The following HDAC2 variants were observed in gnomAD, a reference collection of about 807,000 sequenced individuals.
HDAC2 encodes the protein histone deacetylase 2.
Under a neutral mutation model 68.5 loss-of-function variants are expected in HDAC2, and 5 were observed. That is an observed-to-expected ratio of 0.07 (90% CI 0.04 to 0.15). The LOEUF (loss-of-function observed/expected upper bound fraction) is 0.15. Among genes scored for constraint, HDAC2 ranks in the 10% least tolerant of loss-of-function variants. HDAC2 has a pLI of 1.00. For missense variants in HDAC2, 291 were observed against 600.8 expected (o/e 0.48, Z 5.39); for synonymous variants, 182 against 191.3 (o/e 0.95, Z 0.40).
At chr6:113,944,437 G>C in intron 10 of HDAC2, 27 bp from the exon 11 acceptor site, 1 of 1,596,272 alleles carries the variant, frequency 6.3e-7, no homozygotes, top group South Asian at 1.1e-5. Context: ...AAGTTTATTA[G>C]ACAAAATTAA....
rs530442181 is a variant in HDAC2, at chr6:113,934,833, T to C, written c.*6225A>G. 14 of 152,300 alleles carry C rather than the reference T, an allele frequency of 9.2e-5. No homozygotes were observed. Among genetic ancestry groups the C allele is most frequent in the Non-Finnish European group, 1.3e-4 (9 of 68,032 alleles). 9.4% of individuals were successfully genotyped at this position (152,300 alleles called of 1,614,324 possible). ...TATAACACTGAACTATACAAGTAAATGTGTTTGACAATAACAATGCTTATT... is the reference window on the plus strand; with the variant it reads ...TATAACACTGAACTATACAAGTAAACGTGTTTGACAATAACAATGCTTATT... On this transcript the variant is annotated 3_prime_UTR_variant, in exon 14 of 14. Coordinates refer to ENST00000519065, the MANE Select transcript of HDAC2 (RefSeq NM_001527.4).
intron 1 of HDAC2, chr6:113,970,557 G>T: frequency 8.1e-7 from 1 of 1,234,598 alleles, no homozygotes. Context: ...CCAAGGCGGG[G>T]TAGGCCGGCG....
chr6:113,945,810 GCCTAA>G lies in HDAC2; in HGVS notation c.982+193_982+197del, dbSNP rs201960688. 1.3e-3 allele frequency among the ~76,000 whole-genome samples: 198 copies of G among 152,264 alleles called. 5 individuals are homozygous for G. In the East Asian group the frequency reaches 0.038, roughly 29 times the overall value. ...TATTAGATTATTTTGTCCAACTGAA[GCCTAA>G]CCTAACTGTTCTGAGCACGTTTAAA... On this transcript the variant is annotated intron_variant, in intron 9 of 13. Coordinates refer to ENST00000519065, the MANE Select transcript of HDAC2 (RefSeq NM_001527.4).
intron 5 of HDAC2, among the ~76,000 whole-genome samples, chr6:113,953,903 CGT>C (rs1331879596): frequency 6.6e-6 from 1 of 152,104 alleles, no homozygotes; most frequent in African/African-American, 2.4e-5. Flanking sequence ...TATTTTCTGA[CGT>C]GTGATAATTA....
rs908132896 is a variant in HDAC2 at position 113,963,498 on chromosome 6, T to A, written c.53-3480A>T. Among the ~76,000 whole-genome samples the A allele has an allele frequency of 6.1e-4, 93 of 152,328 alleles. 1 individual carries two copies. Among genetic ancestry groups the A allele is most frequent in the Non-Finnish European group, 7.9e-4 (54 of 68,020 alleles). ...TTTGGGCATTTTAAATGTTACTGAT[T>A]TGCATCAAAATACAGATTATCCCTA... On this transcript the variant is annotated intron_variant, in intron 1 of 13. Transcript: ENST00000519065.
chr6:113,964,303 T>C (rs938486048), intron 1 of HDAC2, among the ~76,000 whole-genome samples: 2 of 152,110 alleles, frequency 1.3e-5, no homozygotes, highest in Admixed American at 6.6e-5. Flanking sequence ...ATTATTTTCA[T>C]CTTCCAGACT....
intron 1 of HDAC2, among the ~76,000 whole-genome samples, chr6:113,967,623 A>C (rs1255437834): frequency 3.9e-5 from 6 of 152,038 alleles, no homozygotes; most frequent in Non-Finnish European, 7.4e-5. Context: ...CATAAAAACA[A>C]GCACTAAATA....
intron 11 of HDAC2, among the ~76,000 whole-genome samples, 191 bp downstream of exon 11, chr6:113,944,089 T>C (rs546508746): frequency 3.3e-5 from 5 of 152,328 alleles, no homozygotes; most frequent in African/African-American, 4.8e-5. Context: ...TATCCAGCCA[T>C]ACAAACTGAA....
chr6:113,941,643 C>T, intron 13 of HDAC2, 65 bp downstream of exon 13: 1 of 610,744 alleles, frequency 1.6e-6, no homozygotes. Flanking sequence ...CACAAACACA[C>T]ACCAATAAAC....
chr6:113,943,226 T>A (rs1776181817), intron 12 of HDAC2, 125 bp downstream of exon 12: 12 of 640,832 alleles, frequency 1.9e-5, no homozygotes, highest in Non-Finnish European at 3.2e-5. Flanking sequence ...GAAAAAAGAG[T>A]CACCTACCTA....
intron 5 of HDAC2, among the ~76,000 whole-genome samples, chr6:113,955,342 T>C (rs1176990362): frequency 2.6e-5 from 4 of 151,778 alleles, no homozygotes; most frequent in Non-Finnish European, 5.9e-5. Flanking sequence ...GCCTCCTGAG[T>C]AGCTGGGATT....
Position 113,933,117 on chromosome 6 carries a change from T to C in HDAC2, c.*7941A>G, listed in dbSNP as rs1775929950. 1 of 152,234 alleles carries C rather than the reference T, an allele frequency of 6.6e-6. No homozygotes were observed. The highest frequency in any genetic ancestry group is 1.5e-5 in the Non-Finnish European group (1 of 68,046). The allele number at this position is 152,234 out of a possible 1,614,324, so 9.4% of individuals were successfully genotyped here. A position where few individuals can be genotyped will look rare whatever the true frequency, so the allele number is the denominator to read the frequency against. ...TATCCTTGGGGGAAATTATACGTAA[T>C]TGCTAAAATGTTGACATCAAAACTT... On this transcript the variant is annotated 3_prime_UTR_variant, in exon 14 of 14. Transcript: ENST00000519065.
intron 5 of HDAC2, among the ~76,000 whole-genome samples, chr6:113,955,024 A>T (rs1776515612): frequency 6.6e-6 from 1 of 152,232 alleles, no homozygotes; most frequent in South Asian, 2.1e-4. Context: ...GACTAACTCA[A>T]TAGGTAAAAA....
At chr6:113,970,398 G>A (rs948289113) in intron 1 of HDAC2, 8 of 961,328 alleles carry the variant, frequency 8.3e-6, no homozygotes, top group East Asian at 1.1e-4. Context: ...GGGGCTTTGT[G>A]TAGAGTCAAG....
Position 113,967,648 on chromosome 6 carries a change from A to T in HDAC2, c.52+3209T>A, listed in dbSNP as rs545800560. Among the ~76,000 whole-genome samples, 210 of 152,344 alleles carry T rather than the reference A, an allele frequency of 1.4e-3. 1 individual carries two copies. Among genetic ancestry groups the T allele is most frequent in the African/African-American group, 4.9e-3 (203 of 41,578 alleles). ...AGCACTAAATATGTTTGGCCTCAAGATTAATTCAAAACAAAGCATAAACAT... is the reference window on the plus strand; with the variant it reads ...AGCACTAAATATGTTTGGCCTCAAGTTTAATTCAAAACAAAGCATAAACAT... On this transcript the variant is annotated intron_variant, in intron 1 of 13. Coordinates refer to ENST00000519065, the MANE Select transcript of HDAC2 (RefSeq NM_001527.4).
rs576042546 is a variant in HDAC2 at position 113,946,191 on chromosome 6, C to T, written c.842-43G>A. On this transcript the variant is annotated intron_variant, in intron 8 of 13. Coordinates refer to ENST00000519065, the MANE Select transcript of HDAC2 (RefSeq NM_001527.4). Reference sequence around the variant, plus strand: ...GGGTAACAACAAAATCTGCATACTGCAACAGTTCGAAAAATAAATTTTAAA... The same window carrying T: ...GGGTAACAACAAAATCTGCATACTGTAACAGTTCGAAAAATAAATTTTAAA... 5.9e-5 allele frequency: 90 copies of T among 1,513,270 alleles called. No individual in the cohort carries two copies. In the East Asian group the frequency reaches 2.0e-3, roughly 34 times the overall value. The allele number at this position is 1,513,270 out of a possible 1,614,324, so 93.7% of individuals were successfully genotyped here. A position where few individuals can be genotyped will look rare whatever the true frequency, so the allele number is the denominator to read the frequency against.
intron 6 of HDAC2, 58 bp downstream of exon 6, chr6:113,953,219 G>A: frequency 8.0e-7 from 1 of 1,253,596 alleles, no homozygotes; most frequent in Non-Finnish European, 1.1e-6. Flanking sequence ...TCAAGTATAG[G>A]ATTACTGATC....
At chr6:113,961,255 G>C (rs1360344312) in intron 1 of HDAC2, among the ~76,000 whole-genome samples, 1 of 152,052 alleles carries the variant, frequency 6.6e-6, no homozygotes, top group East Asian at 1.9e-4. Flanking sequence ...CCTTTTGTTT[G>C]TTTAATGGAA....
intron 5 of HDAC2, among the ~76,000 whole-genome samples, chr6:113,954,422 A>G (rs1190864559): frequency 6.6e-6 from 1 of 152,208 alleles, no homozygotes; most frequent in East Asian, 1.9e-4. Context: ...TGTGATCAAA[A>G]TAAAGTTTCT....
Sources: allele counts gnomAD v4.1 joint callset (sites outside exome capture counted in the v4.1 genomes callset), GRCh38; gene constraint gnomAD v4.1.1; transcripts MANE v1.5; gene names NCBI Gene and HGNC (gene_info 2026-07-23, HGNC 2026-07-21).